The following UBE2E2 variants were observed in gnomAD, a reference collection of about 807,000 sequenced individuals.
UBE2E2 encodes ubiquitin-conjugating enzyme E2 E2.
Under a neutral mutation model 24.7 loss-of-function variants are expected in UBE2E2, and 6 were observed. The observed-to-expected ratio is 0.24, with a 90% CI of 0.13 to 0.48. The LOEUF (loss-of-function observed/expected upper bound fraction) is 0.48. UBE2E2 is among the 20% of genes least tolerant of loss of function. The probability of loss-of-function intolerance (pLI) is 0.99; values close to 1 mark genes in which losing one functional copy is unlikely to be tolerated. For synonymous variants in UBE2E2, 104 were observed against 83.6 expected (o/e 1.24, Z -1.33); for missense variants, 169 against 245.0 (o/e 0.69, Z 2.07).
At chr3:23,297,267 C>T (rs1698939257) in intron 3 of UBE2E2, among the ~76,000 whole-genome samples, 1 of 151,852 alleles carries the variant, frequency 6.6e-6, no homozygotes, top group South Asian at 2.1e-4. Context: ...GTTGCCTGTT[C>T]ACTCTGATGG....
Position 23,203,455 on chromosome 3 carries a change from C to G in UBE2E2, c.-18C>G. On this transcript the variant is annotated 5_prime_UTR_variant, in exon 1 of 6. Coordinates refer to ENST00000396703, the MANE Select transcript of UBE2E2 (RefSeq NM_152653.4). ...CGAGCCTGCGACCTGCACGGACACC[C>G]CCCCCTCAGGTATTCGCTCGGGCCG... is the stretch of plus-strand genomic sequence containing the variant. 4.2e-6 allele frequency: 4 copies of G among 961,886 alleles called. No individual in the cohort carries two copies. Among genetic ancestry groups the G allele is most frequent in the Non-Finnish European group, 4.9e-6 (4 of 821,444 alleles). 59.6% of individuals were successfully genotyped at this position (961,886 alleles called of 1,614,324 possible).
At position 23,302,842 on chromosome 3, in the gene UBE2E2, C is replaced by G. The variant is rs143377705; in HGVS notation, c.227+85530C>G. ...CTGCAGTCCTGCTTTGGTTTGTGGG[C>G]TATAGACTGCTGATCCCTGTTCTAG... On this transcript the variant is annotated intron_variant, in intron 3 of 5. Coordinates refer to ENST00000396703, the MANE Select transcript of UBE2E2 (RefSeq NM_152653.4). Among the ~76,000 whole-genome samples the G allele has an allele frequency of 1.8e-3, 279 of 152,300 alleles. 2 individuals are homozygous for G. The highest frequency in any genetic ancestry group is 6.5e-3 in the African/African-American group (269 of 41,558).
At chr3:23,249,795 A>G (rs1193758930) in intron 3 of UBE2E2, among the ~76,000 whole-genome samples, 1 of 152,004 alleles carries the variant, frequency 6.6e-6, no homozygotes, top group African/African-American at 2.4e-5. Context: ...AGCTGGGACT[A>G]CAGGCACCCG....
At chr3:23,566,259 TG>T (rs1696070267) in intron 5 of UBE2E2, among the ~76,000 whole-genome samples, 1 of 152,212 alleles carries the variant, frequency 6.6e-6, no homozygotes, top group Non-Finnish European at 1.5e-5. Flanking sequence ...TAGGCTAAAA[TG>T]CATTTGGGAC....
intron 4 of UBE2E2, among the ~76,000 whole-genome samples, chr3:23,528,107 C>T (rs530558051): frequency 6.6e-6 from 1 of 152,240 alleles, no homozygotes; most frequent in East Asian, 1.9e-4. Flanking sequence ...TGGATAGTAT[C>T]AGAATTGAAC....
chr3:23,222,341 CTCCTT>C (rs1559445017), intron 3 of UBE2E2, among the ~76,000 whole-genome samples: 1 of 152,098 alleles, frequency 6.6e-6, no homozygotes, highest in Non-Finnish European at 1.5e-5. Flanking sequence ...ATACATTAAT[CTCCTT>C]TCTTTTTGAT....
chr3:23,217,103 T>C (rs1189882435), intron 2 of UBE2E2, among the ~76,000 whole-genome samples, 159 bp from the exon 3 acceptor site: 1 of 152,158 alleles, frequency 6.6e-6, no homozygotes, highest in African/African-American at 2.4e-5. Context: ...TGGCAGAAAT[T>C]GCAACTTTAT....
At chr3:23,476,529 T>A (rs1003538127) in intron 3 of UBE2E2, among the ~76,000 whole-genome samples, 1 of 152,006 alleles carries the variant, frequency 6.6e-6, no homozygotes, top group African/African-American at 2.4e-5. Context: ...ACCCTGTTTC[T>A]ACAAAACATT....
chr3:23,239,335 T>C (rs2359637), intron 3 of UBE2E2, among the ~76,000 whole-genome samples: 51,268 of 152,010 alleles, frequency 0.34, 8,894 homozygotes, highest in South Asian at 0.4. Flanking sequence ...ATTCAGTAGT[T>C]TCTAGTGTAC....
At chr3:23,375,507 A>G (rs989960970) in intron 3 of UBE2E2, among the ~76,000 whole-genome samples, 4 of 152,172 alleles carry the variant, frequency 2.6e-5, no homozygotes, top group South Asian at 2.1e-4. Flanking sequence ...ACAGCAATAC[A>G]TAGAGTACAA....
At chr3:23,475,451 T>C (rs963986524) in intron 3 of UBE2E2, among the ~76,000 whole-genome samples, 2 of 152,068 alleles carry the variant, frequency 1.3e-5, no homozygotes, top group South Asian at 2.1e-4. Flanking sequence ...ATTACCACCA[T>C]CATCTTATAC....
At chr3:23,268,855 A>G (rs567889854) in intron 3 of UBE2E2, among the ~76,000 whole-genome samples, 2 of 152,058 alleles carry the variant, frequency 1.3e-5, no homozygotes, top group African/African-American at 4.8e-5. Flanking sequence ...CGAAACAGAG[A>G]TATAGATCAA....
intron 4 of UBE2E2, among the ~76,000 whole-genome samples, chr3:23,516,415 G>A (rs1694742589): frequency 6.6e-6 from 1 of 152,240 alleles, no homozygotes; most frequent in Admixed American, 6.5e-5. Context: ...TACTCAGTTG[G>A]TATTAGAGAA....
chr3:23,535,434 A>G (rs1695232848), intron 5 of UBE2E2, among the ~76,000 whole-genome samples: 1 of 152,092 alleles, frequency 6.6e-6, no homozygotes, highest in Non-Finnish European at 1.5e-5. Flanking sequence ...ACAATCGAAA[A>G]AAGCTGAACC....
intron 3 of UBE2E2, among the ~76,000 whole-genome samples, chr3:23,399,162 C>A (rs989262813): frequency 1.3e-5 from 2 of 152,080 alleles, no homozygotes; most frequent in African/African-American, 4.8e-5. Flanking sequence ...CGTTTCTTAC[C>A]ATAGTAACCT....
chr3:23,214,283 G>T (rs1423652626), intron 2 of UBE2E2, among the ~76,000 whole-genome samples: 5 of 151,988 alleles, frequency 3.3e-5, no homozygotes, highest in South Asian at 2.1e-4. Context: ...TAGAGACAGG[G>T]TCTTACTCTT....
At chr3:23,586,079 C>A (rs1376436912) in intron 5 of UBE2E2, among the ~76,000 whole-genome samples, 1 of 152,144 alleles carries the variant, frequency 6.6e-6, no homozygotes, top group East Asian at 1.9e-4. Flanking sequence ...TCACAACTAG[C>A]TCTTCAGGAT....
intron 3 of UBE2E2, among the ~76,000 whole-genome samples, chr3:23,458,859 A>G (rs1698741390): frequency 6.6e-6 from 1 of 152,332 alleles, no homozygotes; most frequent in Admixed American, 6.5e-5. Context: ...TGATTGTCAC[A>G]TATCTTCAAT....
intron 3 of UBE2E2, among the ~76,000 whole-genome samples, chr3:23,246,908 G>C (rs1181772609): frequency 6.6e-6 from 1 of 152,072 alleles, no homozygotes; most frequent in Non-Finnish European, 1.5e-5. Context: ...AAAAAATAGA[G>C]ACGGAGTCAT....
Sources: allele counts gnomAD v4.1 joint callset (sites outside exome capture counted in the v4.1 genomes callset), GRCh38; gene constraint gnomAD v4.1.1; transcripts MANE v1.5; gene names NCBI Gene and HGNC (gene_info 2026-07-23, HGNC 2026-07-21).